Variants in ITGA6 observed in about 807,000 individuals in gnomAD.
The protein encoded by ITGA6 is integrin alpha-6.
In ITGA6, 63 loss-of-function variants were observed where a neutral mutation model predicts 133.6. The ratio of observed to expected loss-of-function variants is 0.47; its 90% confidence interval spans 0.38 to 0.58. The LOEUF (loss-of-function observed/expected upper bound fraction) is 0.58. Among genes scored for constraint, ITGA6 ranks in the 20% least tolerant of loss-of-function variants. The probability of loss-of-function intolerance (pLI) is 0.00; values close to 1 mark genes in which losing one functional copy is unlikely to be tolerated. For missense variants in ITGA6, 1,068 were observed against 1,309.4 expected (o/e 0.82, Z 2.85); for synonymous variants, 434 against 482.0 (o/e 0.90, Z 1.30).
In ITGA6 at chr2:172,505,400, C is replaced by G. The variant is rs1297152832; in HGVS notation, c.*1332C>G. ...AAGACTACTGAATCTGCTACCAAAA[C>G]AGTTAATCAGTGAGTCGATGTTCTA... On this transcript the variant is annotated 3_prime_UTR_variant, in exon 26 of 26. Coordinates refer to ENST00000684293, the MANE Select transcript of ITGA6 (RefSeq NM_000210.4). 1 of 152,176 alleles carries G rather than the reference C, an allele frequency of 6.6e-6. No individual in the cohort carries two copies. The highest frequency in any genetic ancestry group is 1.5e-5 in the Non-Finnish European group (1 of 68,032). The allele number at this position is 152,176 out of a possible 1,614,324, so 9.4% of individuals were successfully genotyped here. A position where few individuals can be genotyped will look rare whatever the true frequency, so the allele number is the denominator to read the frequency against.
intron 1 of ITGA6, among the ~76,000 whole-genome samples, chr2:172,446,849 T>C (rs902173470): frequency 1.3e-5 from 2 of 152,218 alleles, no homozygotes; most frequent in Non-Finnish European, 2.9e-5. Flanking sequence ...AGAGATGTCT[T>C]AGTGGTATGA....
chr2:172,496,717 T>C (rs1687141881), intron 23 of ITGA6, among the ~76,000 whole-genome samples: 1 of 152,212 alleles, frequency 6.6e-6, no homozygotes, highest in South Asian at 2.1e-4. Context: ...CTCTAATCAG[T>C]GTAGTTTACA....
Position 172,466,307 on chromosome 2 carries a change from C to T in ITGA6, c.307+644C>T, listed in dbSNP as rs185659628. ...GATTCGTGTCTATGTTCTTCTCTTG[C>T]TTCTTCATCTTTTAGAAATAACATT... On this transcript the variant is annotated intron_variant, in intron 2 of 25. Transcript: ENST00000684293. Among the ~76,000 whole-genome samples the T allele has an allele frequency of 8.5e-5, 13 of 152,304 alleles. No individual in the cohort carries two copies. The East Asian group carries it at 2.3e-3, about 27-fold the overall frequency.
chr2:172,504,382 T>C lies in ITGA6; in HGVS notation c.*314T>C. 1 of 634,422 alleles carries C rather than the reference T, an allele frequency of 1.6e-6. No homozygotes were observed. Among genetic ancestry groups the C allele is most frequent in the Non-Finnish European group, 2.6e-6 (1 of 383,222 alleles). 39.3% of individuals were successfully genotyped at this position (634,422 alleles called of 1,614,324 possible). A position where few individuals can be genotyped will look rare whatever the true frequency, so the allele number is the denominator to read the frequency against. On this transcript the variant is annotated 3_prime_UTR_variant, in exon 26 of 26. Transcript: ENST00000684293. ...AGAGTGACTACACACAGTACGAACC[T>C]ACAGTTTTAACTGTGGATATTGTTA...
intron 1 of ITGA6, among the ~76,000 whole-genome samples, chr2:172,457,976 C>T (rs188080219): frequency 4.4e-4 from 67 of 152,164 alleles, no homozygotes; most frequent in African/African-American, 1.4e-3. Context: ...TGCCCCTCCC[C>T]GCCCCCCAAC....
chr2:172,434,798 T>C (rs1163298252), intron 1 of ITGA6, among the ~76,000 whole-genome samples: 1 of 152,106 alleles, frequency 6.6e-6, no homozygotes, highest in African/African-American at 2.4e-5. Flanking sequence ...ATTTCAGATA[T>C]AGTATAAGAA....
At chr2:172,492,935 G>A (rs922971346) in intron 23 of ITGA6, among the ~76,000 whole-genome samples, 3 of 152,146 alleles carry the variant, frequency 2.0e-5, no homozygotes, top group African/African-American at 7.2e-5. Context: ...TTGAGATGGA[G>A]TCTTGCTCTG....
rs558951507 is a variant in ITGA6 at position 172,468,513 on chromosome 2, C to T, written c.388-612C>T. ...TTACATGGAGGTTAGCCATTCATAC[C>T]CTGTAGAAATTATAGAGATTATTTC... On this transcript the variant is annotated intron_variant, in intron 3 of 25. Coordinates refer to ENST00000684293, the MANE Select transcript of ITGA6 (RefSeq NM_000210.4). 1.8e-4 allele frequency among the ~76,000 whole-genome samples: 27 copies of T among 152,154 alleles called. No homozygotes were observed. The East Asian group carries it at 3.5e-3, about 20-fold the overall frequency.
At chr2:172,442,539 C>T (rs755747430) in intron 1 of ITGA6, among the ~76,000 whole-genome samples, 6 of 152,180 alleles carry the variant, frequency 3.9e-5, no homozygotes, top group Non-Finnish European at 8.8e-5. Flanking sequence ...GAGTTCCTGT[C>T]TCTGATGTCA....
Position 172,485,242 on chromosome 2 carries a change from A to C in ITGA6, c.1832A>C (p.Glu611Ala). Residue 611 changes from glutamate (E) to alanine (A), a missense_variant, in exon 13 of 26, where the codon GAA becomes GCA. By Grantham distance (107) the Glu-to-Ala change is moderately radical. Around this residue, in one of 3 missense-constraint regions of ITGA6, gnomAD observed 609 missense variants for 707.2 expected, o/e 0.86. Transcript: ENST00000684293. ...PEVLPILNSD[E>A]PKTAHIDVHF... ...GTTCTTCCAATTCTGAATTCAGATG[A>C]ACCCAAGACAGCTCATATTGATGTA... 1 of 1,614,130 alleles carries C rather than the reference A, an allele frequency of 6.2e-7. No homozygotes were observed. Among genetic ancestry groups the C allele is most frequent in the South Asian group, 1.1e-5 (1 of 91,080 alleles).
intron 23 of ITGA6, 21 bp from the exon 24 acceptor site, chr2:172,497,954 G>A (rs1418497360): frequency 1.2e-6 from 2 of 1,613,360 alleles, no homozygotes; most frequent in East Asian, 4.5e-5. Flanking sequence ...TAGTAATGCT[G>A]CTTTCTTTTC....
chr2:172,471,800 C>T (rs1685950479), intron 5 of ITGA6, among the ~76,000 whole-genome samples: 1 of 151,182 alleles, frequency 6.6e-6, no homozygotes, highest in Non-Finnish European at 1.5e-5. Flanking sequence ...CTTTTAAAAG[C>T]TTTAATTCTT....
At chr2:172,475,991 C>T (rs1349209608) in intron 8 of ITGA6, among the ~76,000 whole-genome samples, 1 of 151,982 alleles carries the variant, frequency 6.6e-6, no homozygotes, top group Non-Finnish European at 1.5e-5. Flanking sequence ...TCTTTAGTAG[C>T]ATACTAAATA....
rs1488973123 is a variant in ITGA6 at position 172,487,088 on chromosome 2, T to C, written c.1920T>C (p.Tyr640=). The C allele has an allele frequency of 2.5e-6, 4 of 1,613,136 alleles. No homozygotes were observed. In the African/African-American group the frequency reaches 5.3e-5, roughly 22 times the overall value. ...NVCNSNLKLE[Y]KFCTREGNQD... is the part of the protein sequence containing the mutation. ...GTAACAGCAACCTTAAACTAGAATA[T>C]AAATTTTGCACCCGAGAAGGAAATC... The change falls in exon 14 of 26, where the codon TAT becomes TAC. Residue 640 remains tyrosine, a synonymous_variant. Transcript: ENST00000684293.
intron 1 of ITGA6, among the ~76,000 whole-genome samples, chr2:172,459,177 C>T (rs1055489573): frequency 7.9e-5 from 12 of 152,162 alleles, no homozygotes; most frequent in African/African-American, 2.4e-4. Context: ...ATAGGCTCAC[C>T]ATCATGCTGT....
At chr2:172,502,430 A>C (rs1687387407) in intron 25 of ITGA6, among the ~76,000 whole-genome samples, 1 of 152,100 alleles carries the variant, frequency 6.6e-6, no homozygotes, top group South Asian at 2.1e-4. Flanking sequence ...AGTGATGGGG[A>C]AGGCTTGGAA....
chr2:172,491,544 A>G lies in ITGA6; in HGVS notation c.2988+21A>G, dbSNP rs754673151. ...CTCAGGTGAGAGGTTCCCCAGCTTC[A>G]TTCAGGTTCAGAACATGTCTCTTTT... On this transcript the variant is annotated intron_variant, in intron 23 of 25. Coordinates refer to ENST00000684293, the MANE Select transcript of ITGA6 (RefSeq NM_000210.4). This position sits in a 1 kb window ranked among gnomAD's most constrained non-coding sequence, Gnocchi z 4.4. The G allele has an allele frequency of 3.3e-6, 5 of 1,497,804 alleles. No individual in the cohort carries two copies. Among genetic ancestry groups the G allele is most frequent in the Non-Finnish European group, 4.6e-6 (5 of 1,075,326 alleles). The allele number at this position is 1,497,804 out of a possible 1,614,324, so 92.8% of individuals were successfully genotyped here.
rs1346212430 is a variant in ITGA6, at chr2:172,504,180, T to C, written c.*112T>C. 1.3e-6 allele frequency: 2 copies of C among 1,590,836 alleles called. No individual in the cohort carries two copies. The highest frequency in any genetic ancestry group is 1.3e-5 in the African/African-American group (1 of 74,284). On this transcript the variant is annotated 3_prime_UTR_variant, in exon 26 of 26. Transcript: ENST00000684293. The stretch of plus-strand genomic sequence containing the variant: ...GGAAAGAAGAGCGAGAGATCAAAGA[T>C]GAAAAGTATATTGATAACCTTGAAA...
At chr2:172,446,823 T>C (rs1013516344) in intron 1 of ITGA6, among the ~76,000 whole-genome samples, 24 of 152,216 alleles carry the variant, frequency 1.6e-4, no homozygotes, top group Non-Finnish European at 2.6e-4. Context: ...AGACAGTGTT[T>C]TATTGTGGCT....
Sources: allele counts gnomAD v4.1 joint callset (sites outside exome capture counted in the v4.1 genomes callset), GRCh38; gene constraint gnomAD v4.1.1; regional missense constraint gnomAD v4.1.1; non-coding constraint Gnocchi (gnomAD v3.1); transcripts MANE v1.5; gene names NCBI Gene and HGNC (gene_info 2026-07-23, HGNC 2026-07-21).